Variants in PDE7B observed in about 807,000 individuals in gnomAD.
The protein encoded by PDE7B is 3',5'-cyclic-AMP phosphodiesterase 7B.
Under a neutral mutation model 56.2 loss-of-function variants are expected in PDE7B, and 29 were observed. The ratio of observed to expected loss-of-function variants is 0.52; its 90% CI spans 0.38 to 0.70. The LOEUF (loss-of-function observed/expected upper bound fraction) is 0.70, where lower values mean the gene tolerates loss of function less well. Among genes scored for constraint, PDE7B ranks in the 30% least tolerant of loss-of-function variants. The probability of loss-of-function intolerance (pLI) is 0.00; values close to 1 mark genes in which losing one functional copy is unlikely to be tolerated. For missense variants in PDE7B, 490 were observed against 565.0 expected (o/e 0.87, Z 1.35); for synonymous variants, 197 against 196.9 (o/e 1.00, Z 0.00).
chr6:136,134,564 A>C (rs1180361661), intron 3 of PDE7B, among the ~76,000 whole-genome samples: 1 of 151,668 alleles, frequency 6.6e-6, no homozygotes, highest in Non-Finnish European at 1.5e-5. Context: ...TTTAAATTTC[A>C]TTCAAACTGG....
In PDE7B at chr6:136,010,425, G is replaced by C. The variant is rs1307517841; in HGVS notation, c.82+62901G>C. On this transcript the variant is annotated intron_variant, in intron 2 of 12. Coordinates refer to ENST00000308191, the MANE Select transcript of PDE7B (RefSeq NM_018945.4). ...TTTTTTTTTTGGTTTTGTTTTTTGAGACGGAGTTTCACTCCTGTTACTCAG... is the reference window on the plus strand; with the variant it reads ...TTTTTTTTTTGGTTTTGTTTTTTGACACGGAGTTTCACTCCTGTTACTCAG... 2.3e-5 allele frequency among the ~76,000 whole-genome samples: 3 copies of C among 131,966 alleles called. No individual in the cohort carries two copies. The East Asian group carries it at 6.7e-4, about 30-fold the overall frequency. The allele number at this position is 131,966 out of a possible 152,430, so 86.6% of individuals were successfully genotyped here. A position where few individuals can be genotyped will look rare whatever the true frequency, so the allele number is the denominator to read the frequency against.
At chr6:136,003,120 G>C (rs1252818467) in intron 2 of PDE7B, among the ~76,000 whole-genome samples, 1 of 152,160 alleles carries the variant, frequency 6.6e-6, no homozygotes, top group Non-Finnish European at 1.5e-5. Flanking sequence ...ATAACGAAAT[G>C]AAGGTAGAAA....
chr6:136,157,198 G>A (rs544655407), intron 8 of PDE7B, among the ~76,000 whole-genome samples: 54 of 152,276 alleles, frequency 3.5e-4, no homozygotes, highest in African/African-American at 1.2e-3. Flanking sequence ...TCCTGCCTCT[G>A]AAATTCATAT....
chr6:136,190,312 A>G (rs1459615887), intron 12 of PDE7B, among the ~76,000 whole-genome samples: 2 of 152,322 alleles, frequency 1.3e-5, no homozygotes, highest in Non-Finnish European at 2.9e-5. Context: ...GTTCTCTACT[A>G]TGATCTCACA....
At position 135,891,993 on chromosome 6, in the gene PDE7B, A is replaced by T. The variant is rs568188853; in HGVS notation, c.21+39974A>T. On this transcript the variant is annotated intron_variant, in intron 1 of 12. Coordinates refer to ENST00000308191, the MANE Select transcript of PDE7B (RefSeq NM_018945.4). ...TAGTTGGTACCCAAGAAATTGAATT[A>T]AAAAAATGAATACTAGGAATTTAAT... 2.6e-5 allele frequency among the ~76,000 whole-genome samples: 4 copies of T among 152,258 alleles called. No homozygotes were observed. The South Asian group carries it at 6.2e-4, about 24-fold the overall frequency.
At chr6:136,137,338 T>C (rs140562896) in intron 3 of PDE7B, among the ~76,000 whole-genome samples, 2 of 152,262 alleles carry the variant, frequency 1.3e-5, no homozygotes, top group Non-Finnish European at 2.9e-5. Flanking sequence ...CAAGAAATTT[T>C]ATTAGAATTA....
At chr6:136,151,063 A>C in intron 5 of PDE7B, 97 bp from the exon 6 acceptor site, 1 of 667,384 alleles carries the variant, frequency 1.5e-6, no homozygotes, top group Non-Finnish European at 2.7e-6. Context: ...ATATTCTATC[A>C]CAGAAACTTT....
chr6:136,108,786 C>T lies in PDE7B; in HGVS notation c.138C>T (p.Tyr46=), dbSNP rs778791530. The T allele has an allele frequency of 6.2e-7, 1 of 1,608,588 alleles. No homozygotes were observed. Among genetic ancestry groups the T allele is most frequent in the Admixed American group, 1.7e-5 (1 of 59,994 alleles). Residue 46 remains tyrosine, a synonymous_variant, in exon 3 of 13, where the codon TAC becomes TAT. Coordinates refer to ENST00000308191, the MANE Select transcript of PDE7B (RefSeq NM_018945.4). ...TGVRAERRGS[Y]PFIDFRLLNS... ...TTCGTGCTGAACGCCGTGGCTCCTA[C>T]CCATTCATTGACTTCCGCCTACTTA...
chr6:136,132,025 A>G (rs1778127059), intron 3 of PDE7B, among the ~76,000 whole-genome samples: 1 of 152,172 alleles, frequency 6.6e-6, no homozygotes, highest in Admixed American at 6.6e-5. Context: ...TTGTTTTACT[A>G]TACTTTTTAT....
intron 2 of PDE7B, among the ~76,000 whole-genome samples, chr6:136,075,081 T>C (rs1461909402): frequency 6.6e-6 from 1 of 152,248 alleles, no homozygotes; most frequent in African/African-American, 2.4e-5. Flanking sequence ...TTAATCAAGA[T>C]TTTTGTTAAT....
At chr6:136,183,212 T>G (rs1248477838) in intron 11 of PDE7B, among the ~76,000 whole-genome samples, 1 of 152,096 alleles carries the variant, frequency 6.6e-6, no homozygotes, top group African/African-American at 2.4e-5. Flanking sequence ...TCCTCTGGCA[T>G]GTTTCCTGGC....
Position 136,104,486 on chromosome 6 carries a change from G to C in PDE7B, c.83-4245G>C, listed in dbSNP as rs143023068. Among the ~76,000 whole-genome samples, 3 of 152,304 alleles carry C rather than the reference G, an allele frequency of 2.0e-5. No homozygotes were observed. The East Asian group carries it at 5.8e-4, about 29-fold the overall frequency. On this transcript the variant is annotated intron_variant, in intron 2 of 12. Coordinates refer to ENST00000308191, the MANE Select transcript of PDE7B (RefSeq NM_018945.4). ...GTTCTGTCCCTCAGAAAACAGCCCAGTAGCCTCTGCTCCTCTGAGGACTGT... is the reference window on the plus strand; with the variant it reads ...GTTCTGTCCCTCAGAAAACAGCCCACTAGCCTCTGCTCCTCTGAGGACTGT...
At chr6:136,090,067 T>G (rs753015632) in intron 2 of PDE7B, among the ~76,000 whole-genome samples, 6 of 151,978 alleles carry the variant, frequency 3.9e-5, no homozygotes, top group South Asian at 2.1e-4. Context: ...TTGTTGTGGG[T>G]TTTTTTTCAG....
At chr6:135,867,960 A>G (rs747101950) in intron 1 of PDE7B, among the ~76,000 whole-genome samples, 3 of 152,196 alleles carry the variant, frequency 2.0e-5, no homozygotes, top group African/African-American at 7.2e-5. Context: ...AAAGTAATGC[A>G]AAAAGGTAAT....
intron 2 of PDE7B, among the ~76,000 whole-genome samples, chr6:136,061,837 C>G (rs2061974): frequency 0.42 from 63,662 of 152,038 alleles, 13,408 homozygotes; most frequent in South Asian, 0.5. Flanking sequence ...GAATCTTGAT[C>G]TGGCTCTTGC....
At chr6:135,918,924 G>A (rs1447746892) in intron 1 of PDE7B, among the ~76,000 whole-genome samples, 1 of 152,080 alleles carries the variant, frequency 6.6e-6, no homozygotes, top group African/African-American at 2.4e-5. Flanking sequence ...ATTGTTTTGT[G>A]TTGTGTTTAT....
chr6:135,902,819 C>T (rs1232822952), intron 1 of PDE7B, among the ~76,000 whole-genome samples: 1 of 152,084 alleles, frequency 6.6e-6, no homozygotes, highest in Non-Finnish European at 1.5e-5. Context: ...AGAAAAATAG[C>T]TAATAGAAAT....
chr6:136,076,405 G>A lies in PDE7B; in HGVS notation c.83-32326G>A, dbSNP rs570987793. On this transcript the variant is annotated intron_variant, in intron 2 of 12. Transcript: ENST00000308191. ...GGAGAATTGCTTGAACCCAGGAGGC[G>A]GAGGTTGCAGTGAGCCAAGATTGCG... 6.6e-5 allele frequency among the ~76,000 whole-genome samples: 10 copies of A among 152,154 alleles called. No homozygotes were observed. In the South Asian group the frequency reaches 1.0e-3, roughly 16 times the overall value.
At chr6:135,991,085 G>A (rs138737129) in intron 2 of PDE7B, among the ~76,000 whole-genome samples, 20 of 152,320 alleles carry the variant, frequency 1.3e-4, no homozygotes, top group Middle Eastern at 3.4e-3. Flanking sequence ...GCACTGGTGG[G>A]AGTGTAGCAG....
Sources: gnomAD v4.1 joint callset for allele counts (sites outside exome capture counted in the v4.1 genomes callset) on GRCh38, gnomAD v4.1.1 for gene constraint, MANE v1.5 for transcripts, NCBI Gene and HGNC (gene_info 2026-07-23, HGNC 2026-07-21) for gene names.